The following PFKFB2 variants were observed in gnomAD, a reference collection of about 807,000 sequenced individuals.
The protein encoded by PFKFB2 is 6-phosphofructo-2-kinase/fructose-2,6-biphosphatase 2.
PFKFB2 carries 53 observed loss-of-function variants against 68.0 expected under a neutral mutation model. The ratio of observed to expected loss-of-function variants is 0.78; its 90% confidence interval spans 0.63 to 0.98. The LOEUF (loss-of-function observed/expected upper bound fraction) is 0.98. Among genes scored for constraint, PFKFB2 ranks in the 50% least tolerant of loss-of-function variants. The pLI, the probability that PFKFB2 is intolerant of heterozygous loss-of-function variation, is 0.00. For synonymous variants in PFKFB2, 222 were observed against 227.6 expected, an observed-to-expected ratio of 0.98 and a Z score of 0.22; for missense variants, 451 against 642.0, an observed-to-expected ratio of 0.70 and a Z score of 3.22.
intron 1 of PFKFB2, among the ~76,000 whole-genome samples, chr1:207,037,353 G>A (rs1682395687): frequency 6.6e-6 from 1 of 152,100 alleles, no homozygotes; most frequent in South Asian, 2.1e-4. Flanking sequence ...ACTTTTAAAT[G>A]CTAGTTCTTC....
chr1:207,055,365 C>G (rs563597252), intron 2 of PFKFB2, among the ~76,000 whole-genome samples: 157 of 152,240 alleles, frequency 1.0e-3, no homozygotes, highest in Non-Finnish European at 1.7e-3. Context: ...CCTATAGGTT[C>G]ATTTTTTTGA....
At chr1:207,042,588 T>C (rs1682502860) in intron 2 of PFKFB2, among the ~76,000 whole-genome samples, 1 of 115,980 alleles carries the variant, frequency 8.6e-6, no homozygotes, top group African/African-American at 3.1e-5. Flanking sequence ...AAAAGACTAT[T>C]GCTTCCTTTT....
rs1364745344 is a variant in PFKFB2, at chr1:207,073,579, G to A, written c.*1208G>A. The A allele has an allele frequency of 1.0e-6, 1 of 985,100 alleles. No homozygotes were observed. Among genetic ancestry groups the A allele is most frequent in the Non-Finnish European group, 1.2e-6 (1 of 829,762 alleles). 61.0% of individuals were successfully genotyped at this position (985,100 alleles called of 1,614,324 possible). A position where few individuals can be genotyped will look rare whatever the true frequency, so the allele number is the denominator to read the frequency against. ...CCCAAATGTGGAAAAGCTTGATGAT[G>A]AATTTAATCTCTCTCATTGGAGTAT... On this transcript the variant is annotated 3_prime_UTR_variant, in exon 15 of 15. Coordinates refer to ENST00000367080, the MANE Select transcript of PFKFB2 (RefSeq NM_006212.2).
chr1:207,068,186 T>C lies in PFKFB2; in HGVS notation c.864T>C (p.Phe288=), dbSNP rs1558063626. ...AGTTTGCCCAAGCTCTAAGGAAATTTCTGGAGGAACAGGAAATAACAGACC... is the reference window on the plus strand; with the variant it reads ...AGTTTGCCCAAGCTCTAAGGAAATTCCTGGAGGAACAGGAAATAACAGACC... ...GKQFAQALRK[F]LEEQEITDLK... is the part of the protein sequence containing the mutation. The change falls in exon 10 of 15, where the codon TTT becomes TTC. Residue 288 remains phenylalanine (F), a synonymous_variant. Transcript: ENST00000367080. 6.2e-7 allele frequency: 1 copy of C among 1,610,268 alleles called. No homozygotes were observed. Among genetic ancestry groups the C allele is most frequent in the Non-Finnish European group, 8.5e-7 (1 of 1,178,984 alleles).
Position 207,075,740 on chromosome 1 carries a change from C to T in PFKFB2, c.*3369C>T, listed in dbSNP as rs1397309809. 3.2e-5 allele frequency: 31 copies of T among 977,150 alleles called. No individual in the cohort carries two copies. Among genetic ancestry groups the T allele is most frequent in the Non-Finnish European group, 3.6e-5 (30 of 822,560 alleles). The allele number at this position is 977,150 out of a possible 1,614,324, so 60.5% of individuals were successfully genotyped here. A position where few individuals can be genotyped will look rare whatever the true frequency, so the allele number is the denominator to read the frequency against. On this transcript the variant is annotated 3_prime_UTR_variant, in exon 15 of 15. Coordinates refer to ENST00000367080, the MANE Select transcript of PFKFB2 (RefSeq NM_006212.2). ...GCCTGGGCAATATAGTGAGACCTCA[C>T]CTCTAAAAAAGTTTTTTATAAATTT...
In PFKFB2 at chr1:207,068,178, A is replaced by G. The variant is rs190698633; in HGVS notation, c.856A>G (p.Arg286Gly). ...TAAACCCCAGTTTGCCCAAGCTCTA[A>G]GGAAATTTCTGGAGGAACAGGAAAT... ...VRGKQFAQAL[R>G]KFLEEQEITD... Residue 286 changes from arginine (R) to glycine (G), a missense_variant, in exon 10 of 15, where the codon AGG (arginine) becomes GGG (glycine). Coordinates refer to ENST00000367080, the MANE Select transcript of PFKFB2 (RefSeq NM_006212.2). 4.5e-5 allele frequency: 72 copies of G among 1,609,766 alleles called. No individual in the cohort carries two copies. In the East Asian group the frequency reaches 1.5e-3, roughly 34 times the overall value.
intron 1 of PFKFB2, among the ~76,000 whole-genome samples, chr1:207,040,117 T>C (rs1682449146): frequency 6.6e-6 from 1 of 152,198 alleles, no homozygotes; most frequent in African/African-American, 2.4e-5. Context: ...ACTTACAAGT[T>C]ATGGTGATGT....
rs926946688 is a variant in PFKFB2 at position 207,076,258 on chromosome 1, T to C, written c.*3887T>C. 77 of 978,014 alleles carry C rather than the reference T, an allele frequency of 7.9e-5. No individual in the cohort carries two copies. Among genetic ancestry groups the C allele is most frequent in the Non-Finnish European group, 9.2e-5 (76 of 823,664 alleles). 60.6% of individuals were successfully genotyped at this position (978,014 alleles called of 1,614,324 possible). On this transcript the variant is annotated 3_prime_UTR_variant, in exon 15 of 15. Coordinates refer to ENST00000367080, the MANE Select transcript of PFKFB2 (RefSeq NM_006212.2). Reference sequence around the variant, plus strand: ...TCTATGTTACTTTTTTTTTCTTTTTTTTTTTTTTTTATGAGCAGGAGATCT... The same window carrying C: ...TCTATGTTACTTTTTTTTTCTTTTTCTTTTTTTTTTATGAGCAGGAGATCT...
chr1:207,034,859 T>A (rs1303589180), intron 1 of PFKFB2: 1 of 152,288 alleles, frequency 6.6e-6, no homozygotes, highest in Non-Finnish European at 1.5e-5. Context: ...AAATCACTAT[T>A]TCAAATTTTC....
At chr1:207,077,967 C>T (rs564562430), downstream of PFKFB2, 104 of 189,924 alleles carry the variant, frequency 5.5e-4, 1 homozygote, top group African/African-American at 1.5e-3. Context: ...ATGGTGTAGC[C>T]GTGGCTCTCT....
rs1683586119 is a variant in PFKFB2 at position 207,075,100 on chromosome 1, G to C, written c.*2729G>C. 3 of 985,338 alleles carry C rather than the reference G, an allele frequency of 3.0e-6. No individual in the cohort carries two copies. The highest frequency in any genetic ancestry group is 2.4e-6 in the Non-Finnish European group (2 of 829,950). The allele number at this position is 985,338 out of a possible 1,614,324, so 61.0% of individuals were successfully genotyped here. A position where few individuals can be genotyped will look rare whatever the true frequency, so the allele number is the denominator to read the frequency against. On this transcript the variant is annotated 3_prime_UTR_variant, in exon 15 of 15. Coordinates refer to ENST00000367080, the MANE Select transcript of PFKFB2 (RefSeq NM_006212.2). ...AGAAGAGGGAGCACTTTGATCCACAGACTTTGGATTAACACTGTACCCACT... is the reference window on the plus strand; with the variant it reads ...AGAAGAGGGAGCACTTTGATCCACACACTTTGGATTAACACTGTACCCACT...
intron 2 of PFKFB2, chr1:207,043,920 C>T (rs1682531399): frequency 6.6e-6 from 1 of 152,482 alleles, no homozygotes; most frequent in African/African-American, 2.4e-5. Flanking sequence ...AGTCATACAC[C>T]TCATAAATAA....
chr1:207,059,820 T>C (rs568149510), intron 2 of PFKFB2, among the ~76,000 whole-genome samples: 3 of 152,298 alleles, frequency 2.0e-5, no homozygotes, highest in East Asian at 1.9e-4. Flanking sequence ...TCTACATTTA[T>C]TTCTCAAAAA....
At chr1:207,065,485 G>T (rs907933456) in intron 8 of PFKFB2, among the ~76,000 whole-genome samples, 1 of 151,816 alleles carries the variant, frequency 6.6e-6, no homozygotes, top group Non-Finnish European at 1.5e-5. Flanking sequence ...TGAGTAGCTG[G>T]GACCACAGGT....
chr1:207,051,102 C>A, upstream of PFKFB2: 3 of 1,434,418 alleles, frequency 2.1e-6, no homozygotes, highest in Non-Finnish European at 2.7e-6. Flanking sequence ...CCTTAGCAAG[C>A]GCGAACTCTT....
intron 1 of PFKFB2, among the ~76,000 whole-genome samples, chr1:207,034,741 C>T (rs181146090): frequency 1.3e-3 from 197 of 152,174 alleles, no homozygotes; most frequent in African/African-American, 4.4e-3. Context: ...CAAACATAAC[C>T]GTACCTAACA....
intron 2 of PFKFB2, among the ~76,000 whole-genome samples, chr1:207,058,225 A>G (rs1682987653): frequency 6.6e-6 from 1 of 152,216 alleles, no homozygotes; most frequent in African/African-American, 2.4e-5. Context: ...CTGACTTCTG[A>G]TGAATAAAGA....
chr1:207,061,050 AT>A (rs1430551373), intron 2 of PFKFB2: 1 of 129,074 alleles, frequency 7.7e-6, no homozygotes, highest in African/African-American at 2.9e-5. Flanking sequence ...AAATATATAT[AT>A]TTTATATATA....
In PFKFB2 at chr1:207,070,935, T is replaced by C. The variant is rs142580422; in HGVS notation, c.1223-253T>C. Among the ~76,000 whole-genome samples, 156 of 152,184 alleles carry C rather than the reference T, an allele frequency of 1.0e-3. No individual in the cohort carries two copies. The highest frequency in any genetic ancestry group is 1.8e-3 in the Admixed American group (28 of 15,292). ...GCTGTACCCAGGTGACCCCCTTCCA[T>C]TGGGCTCTCTGGCTACAATACTTCC... On this transcript the variant is annotated intron_variant, in intron 12 of 14. Transcript: ENST00000367080. This position sits in a 1 kb window ranked among gnomAD's most constrained non-coding sequence, Gnocchi z 4.2.
Sources: gnomAD v4.1 joint callset for allele counts (sites outside exome capture counted in the v4.1 genomes callset) on GRCh38, gnomAD v4.1.1 for gene constraint, Gnocchi (gnomAD v3.1) non-coding constraint, MANE v1.5 for transcripts, NCBI Gene and HGNC (gene_info 2026-07-23, HGNC 2026-07-21) for gene names.